Variants in TCF7L2 observed in about 807,000 individuals in gnomAD.
The protein encoded by TCF7L2 is transcription factor 7 like 2.
Under a neutral mutation model 77.9 loss-of-function variants are expected in TCF7L2, and 23 were observed. The ratio of observed to expected loss-of-function variants is 0.30; its 90% CI spans 0.21 to 0.42. TCF7L2 has a LOEUF of 0.42. Ranked by LOEUF, TCF7L2 falls within the 10% of genes least tolerant of loss-of-function variation. The pLI is 1.00. For synonymous variants in TCF7L2, 413 were observed against 340.2 expected, an observed-to-expected ratio of 1.21 and a Z score of -2.36; for missense variants, 654 against 793.1, an observed-to-expected ratio of 0.82 and a Z score of 2.11.
chr10:112,970,921 C>G (rs1235898506), intron 4 of TCF7L2, among the ~76,000 whole-genome samples: 1 of 152,164 alleles, frequency 6.6e-6, no homozygotes, highest in Non-Finnish European at 1.5e-5. Flanking sequence ...TGTCCATTTT[C>G]CACAAAGGAA....
chr10:113,004,648 G>A (rs376167770), intron 4 of TCF7L2, among the ~76,000 whole-genome samples: 9 of 151,980 alleles, frequency 5.9e-5, no homozygotes, highest in African/African-American at 2.2e-4. Flanking sequence ...GTGAATTGAC[G>A]TATACTTTTG....
chr10:113,079,061 T>C (rs1237164503), intron 5 of TCF7L2, among the ~76,000 whole-genome samples: 3 of 152,110 alleles, frequency 2.0e-5, no homozygotes, highest in African/African-American at 4.8e-5. Context: ...CTCAAACTCC[T>C]GACCTTAAGT....
chr10:113,139,996 G>C (rs117564902), intron 5 of TCF7L2, among the ~76,000 whole-genome samples: 6 of 152,250 alleles, frequency 3.9e-5, no homozygotes, highest in South Asian at 2.1e-4. Flanking sequence ...AGGAAATGAA[G>C]ACACGTTCTG....
intron 5 of TCF7L2, among the ~76,000 whole-genome samples, chr10:113,056,395 G>A (rs1004167656): frequency 1.3e-5 from 2 of 152,134 alleles, no homozygotes; most frequent in Admixed American, 6.6e-5. Flanking sequence ...GGGCAGTGAG[G>A]GTAGAGGACA....
Position 113,010,199 on chromosome 10 carries a change from G to C in TCF7L2, c.451-29826G>C, listed in dbSNP as rs540894022. Among the ~76,000 whole-genome samples, 6 of 152,180 alleles carry C rather than the reference G, an allele frequency of 3.9e-5. No individual in the cohort carries two copies. The South Asian group carries it at 1.0e-3, about 26-fold the overall frequency. On this transcript the variant is annotated intron_variant, in intron 4 of 13. Coordinates refer to ENST00000627217, the MANE Select transcript of TCF7L2 (RefSeq NM_001146274.2). ...TTGGTGGGGCAGGGCAGCCAGTTAG[G>C]GGGTCATGGGAGCAGGTGTGGAAAA...
At chr10:112,965,596 G>A (rs1463151113) in intron 4 of TCF7L2, among the ~76,000 whole-genome samples, 2 of 151,774 alleles carry the variant, frequency 1.3e-5, no homozygotes, top group African/African-American at 2.4e-5. Flanking sequence ...CTGGGCAAGA[G>A]CCCTTGCAGA....
At chr10:112,984,733 A>C (rs1037632336) in intron 4 of TCF7L2, among the ~76,000 whole-genome samples, 5 of 152,118 alleles carry the variant, frequency 3.3e-5, no homozygotes, top group African/African-American at 1.2e-4. Context: ...AGGAGCTCTG[A>C]ACACTCCTAG....
At position 112,951,488 on chromosome 10, in the gene TCF7L2, A is replaced by G; in HGVS notation, c.262A>G (p.Lys88Glu). The change falls in exon 3 of 14, where the codon AAG (lysine) becomes GAG (glutamate). Residue 88 changes from lysine to glutamate, a missense_variant. Transcript: ENST00000627217. Reference sequence around the variant, plus strand: ...TCGCCGCCCCGCCATGTTAGCGGCCAAGAGGCAAGATGGAGGGCTCTTTAA... The same window carrying G: ...TCGCCGCCCCGCCATGTTAGCGGCCGAGAGGCAAGATGGAGGGCTCTTTAA... The G allele has an allele frequency of 1.4e-6, 2 of 1,428,942 alleles. No individual in the cohort carries two copies. The highest frequency in any genetic ancestry group is 1.5e-5 in the African/African-American group (1 of 66,104). The allele number at this position is 1,428,942 out of a possible 1,614,324, so 88.5% of individuals were successfully genotyped here. A position where few individuals can be genotyped will look rare whatever the true frequency, so the allele number is the denominator to read the frequency against.
At chr10:113,159,950 G>A (rs1414424354) in intron 12 of TCF7L2, 5 of 1,604,748 alleles carry the variant, frequency 3.1e-6, no homozygotes, top group Non-Finnish European at 4.3e-6. Context: ...TGCCGAGCGC[G>A]CTTTGGCCTT....
At chr10:112,981,105 C>G (rs940288567) in intron 4 of TCF7L2, among the ~76,000 whole-genome samples, 2 of 152,182 alleles carry the variant, frequency 1.3e-5, no homozygotes, top group African/African-American at 4.8e-5. Context: ...TTTAGGCAGC[C>G]TGCTTTGCTT....
chr10:113,047,680 G>A (rs995272270), intron 5 of TCF7L2, among the ~76,000 whole-genome samples: 1 of 152,010 alleles, frequency 6.6e-6, no homozygotes, highest in Non-Finnish European at 1.5e-5. Flanking sequence ...ATATTATTGG[G>A]CAAAGATACT....
At chr10:113,018,469 T>TTTA (rs869251664) in intron 4 of TCF7L2, among the ~76,000 whole-genome samples, 1 of 147,120 alleles carries the variant, frequency 6.8e-6, no homozygotes, top group Non-Finnish European at 1.5e-5. Flanking sequence ...TTTTTTTTTT[T>TTTA]AAAGACAGAG....
intron 3 of TCF7L2, among the ~76,000 whole-genome samples, chr10:112,956,945 C>G (rs1387595969): frequency 1.3e-5 from 2 of 152,124 alleles, no homozygotes; most frequent in Non-Finnish European, 2.9e-5. Flanking sequence ...CTGACCCCCA[C>G]CTCTACAATC....
chr10:113,009,907 G>A (rs1460171132), intron 4 of TCF7L2, among the ~76,000 whole-genome samples: 1 of 152,130 alleles, frequency 6.6e-6, no homozygotes, highest in Non-Finnish European at 1.5e-5. Flanking sequence ...GTAATTAAGG[G>A]AGACCATAAA....
intron 4 of TCF7L2, among the ~76,000 whole-genome samples, chr10:113,027,608 T>C (rs1043677721): frequency 6.6e-6 from 1 of 152,220 alleles, no homozygotes; most frequent in African/African-American, 2.4e-5. Flanking sequence ...ACTTTGGAAG[T>C]GGACAAAACT....
At chr10:113,097,826 C>T (rs1250718529) in intron 5 of TCF7L2, among the ~76,000 whole-genome samples, 5 of 146,370 alleles carry the variant, frequency 3.4e-5, no homozygotes, top group African/African-American at 1.0e-4. Flanking sequence ...CTGAGGCAGG[C>T]GGATCGCCTG....
chr10:113,069,736 G>A lies in TCF7L2; in HGVS notation c.552+29610G>A, dbSNP rs370351702. Among the ~76,000 whole-genome samples, 6 of 152,148 alleles carry A rather than the reference G, an allele frequency of 3.9e-5. No individual in the cohort carries two copies. In the East Asian group the frequency reaches 5.8e-4, roughly 15 times the overall value. On this transcript the variant is annotated intron_variant, in intron 5 of 13. Transcript: ENST00000627217. ...ACAGTGTATTCATTGAGGGCCCCTC[G>A]CTGGATGTTTCAGCCACTCCCTCAC...
chr10:113,141,362 T>A (rs1592226251), intron 6 of TCF7L2, 46 bp downstream of exon 6: 6 of 1,612,310 alleles, frequency 3.7e-6, no homozygotes, highest in Non-Finnish European at 5.1e-6. Context: ...GGTCCTGGGG[T>A]TCTGGGGGAA....
chr10:112,990,899 C>T (rs1324284066), intron 4 of TCF7L2, among the ~76,000 whole-genome samples: 1 of 152,140 alleles, frequency 6.6e-6, no homozygotes, highest in Non-Finnish European at 1.5e-5. Flanking sequence ...CTACCCAAGA[C>T]AGGCTTTTCA....
Sources: gnomAD v4.1 joint callset for allele counts (sites outside exome capture counted in the v4.1 genomes callset) on GRCh38, gnomAD v4.1.1 for gene constraint, MANE v1.5 for transcripts, NCBI Gene and HGNC (gene_info 2026-07-23, HGNC 2026-07-21) for gene names.